The following RALYL variants were observed in gnomAD, a reference collection of about 807,000 sequenced individuals.
The protein encoded by RALYL is RALY RNA binding protein like.
RALYL carries 29 observed loss-of-function variants against 35.1 expected under a neutral mutation model. That is an observed-to-expected ratio of 0.83 (90% CI 0.61 to 1.13). The LOEUF (loss-of-function observed/expected upper bound fraction) is 1.13. Ranked by LOEUF, RALYL falls within the 50% of genes most tolerant of loss-of-function variation. The pLI, the probability that RALYL is intolerant of heterozygous loss-of-function variation, is 0.00. For synonymous variants in RALYL, 120 were observed against 127.6 expected (o/e 0.94, Z 0.40); for missense variants, 359 against 360.4 (o/e 1.00, Z 0.03).
chr8:84,457,476 C>G (rs1005111394), intron 1 of RALYL, among the ~76,000 whole-genome samples: 1 of 151,946 alleles, frequency 6.6e-6, no homozygotes, highest in East Asian at 1.9e-4. Context: ...TAATGATATA[C>G]AAAGTGTTGT....
chr8:84,392,571 A>G (rs1860940671), intron 1 of RALYL, among the ~76,000 whole-genome samples: 1 of 152,070 alleles, frequency 6.6e-6, no homozygotes, highest in Non-Finnish European at 1.5e-5. Context: ...GTATTAAGCT[A>G]TAGTGAGAGA....
chr8:84,446,959 G>T (rs902309889), intron 1 of RALYL, among the ~76,000 whole-genome samples: 3 of 151,960 alleles, frequency 2.0e-5, no homozygotes, highest in Non-Finnish European at 4.4e-5. Context: ...TAATTCACAC[G>T]CTACCGAGCA....
chr8:84,241,648 C>T (rs773427581), intron 1 of RALYL, among the ~76,000 whole-genome samples: 12 of 151,842 alleles, frequency 7.9e-5, no homozygotes, highest in African/African-American at 2.9e-4. Flanking sequence ...CTTGGGGGTG[C>T]GTGCCTGTAG....
chr8:84,466,122 A>G (rs2051584715), intron 1 of RALYL, among the ~76,000 whole-genome samples: 2 of 110,444 alleles, frequency 1.8e-5, no homozygotes, highest in African/African-American at 7.1e-5. Context: ...TTCCTAATAG[A>G]ATACCCTTTA....
At chr8:84,747,869 A>T (rs1809006566) in intron 2 of RALYL, among the ~76,000 whole-genome samples, 1 of 151,958 alleles carries the variant, frequency 6.6e-6, no homozygotes, top group Admixed American at 6.6e-5. Context: ...CAAAAAAATA[A>T]CCTGGGACCT....
intron 1 of RALYL, among the ~76,000 whole-genome samples, chr8:84,415,211 T>G (rs2044541249): frequency 6.6e-6 from 1 of 151,352 alleles, no homozygotes; most frequent in African/African-American, 2.4e-5. Context: ...ACTCGTTTTT[T>G]TTTTTTTGTT....
At chr8:84,238,013 GAA>G (rs1554584056) in intron 1 of RALYL, among the ~76,000 whole-genome samples, 34 of 113,728 alleles carry the variant, frequency 3.0e-4, no homozygotes, top group Admixed American at 2.8e-3. Flanking sequence ...CAAAACAAAA[GAA>G]AAAAAACACT....
At chr8:84,222,927 G>A (rs1186932319) in intron 1 of RALYL, among the ~76,000 whole-genome samples, 1 of 152,154 alleles carries the variant, frequency 6.6e-6, no homozygotes, top group African/African-American at 2.4e-5. Flanking sequence ...TACCAGAGGA[G>A]CTGTTATTGT....
intron 2 of RALYL, among the ~76,000 whole-genome samples, chr8:84,656,933 T>C (rs1300242885): frequency 6.6e-6 from 1 of 152,134 alleles, no homozygotes; most frequent in Non-Finnish European, 1.5e-5. Flanking sequence ...CTAAAACACA[T>C]GGGACAATGG....
chr8:84,860,509 T>C lies in RALYL; in HGVS notation c.414-1787T>C, dbSNP rs921912957. The stretch of plus-strand genomic sequence containing the variant: ...GTGAATTCAACTTATAAATAACTAA[T>C]GTAGATCTTGTTTTGTGATTGAAAT... On this transcript the variant is annotated intron_variant, in intron 5 of 8. Transcript: ENST00000521268. Among the ~76,000 whole-genome samples the C allele has an allele frequency of 2.6e-5, 4 of 152,358 alleles. No homozygotes were observed. In the East Asian group the frequency reaches 5.8e-4, roughly 22 times the overall value.
At chr8:84,714,234 G>A (rs1842626038) in intron 2 of RALYL, among the ~76,000 whole-genome samples, 1 of 151,708 alleles carries the variant, frequency 6.6e-6, no homozygotes, top group South Asian at 2.1e-4. Flanking sequence ...AGTAGAATGG[G>A]GGTTACCAGA....
At chr8:84,475,683 G>A (rs186340735) in intron 1 of RALYL, among the ~76,000 whole-genome samples, 19 of 152,254 alleles carry the variant, frequency 1.2e-4, no homozygotes, top group African/African-American at 4.6e-4. Flanking sequence ...CGAAGAAAGT[G>A]TTTGGTAAAA....
At chr8:84,759,455 C>CTA (rs1174413669) in intron 2 of RALYL, among the ~76,000 whole-genome samples, 1 of 152,112 alleles carries the variant, frequency 6.6e-6, no homozygotes, top group Non-Finnish European at 1.5e-5. Flanking sequence ...ACTGCCTGCA[C>CTA]TAGTTATTCA....
rs1329878051 is a variant in RALYL, at chr8:84,677,869, AC to A, written c.257-96708del. Among the ~76,000 whole-genome samples, 3 of 152,166 alleles carry A rather than the reference AC, an allele frequency of 2.0e-5. No individual in the cohort carries two copies. In the East Asian group the frequency reaches 5.8e-4, roughly 29 times the overall value. ...AGCCTAGGCTACTTTCCCTTTACTCACCTCAGATAGCATTTTTCAAGAAATA... is the reference window on the plus strand; with the variant it reads ...AGCCTAGGCTACTTTCCCTTTACTCACTCAGATAGCATTTTTCAAGAAATA... On this transcript the variant is annotated intron_variant, in intron 2 of 8. Transcript: ENST00000521268.
At chr8:84,844,927 A>G (rs920813218) in intron 4 of RALYL, among the ~76,000 whole-genome samples, 3 of 151,280 alleles carry the variant, frequency 2.0e-5, no homozygotes, top group Non-Finnish European at 2.9e-5. Context: ...ATGAGAACAC[A>G]TGGACACAGG....
chr8:84,704,446 GACACAC>G lies in RALYL; in HGVS notation c.257-70101_257-70096del, dbSNP rs3068023. ...TACCACCAGCCCCCCAATACACACA[GACACAC>G]ACACACACACACACACACACACACA... On this transcript the variant is annotated intron_variant, in intron 2 of 8. Transcript: ENST00000521268. 5.5e-4 allele frequency among the ~76,000 whole-genome samples: 57 copies of G among 104,066 alleles called. No homozygotes were observed. In the East Asian group the frequency reaches 7.2e-3, roughly 13 times the overall value. 68.3% of individuals were successfully genotyped at this position (104,066 alleles called of 152,430 possible). A position where few individuals can be genotyped will look rare whatever the true frequency, so the allele number is the denominator to read the frequency against.
intron 2 of RALYL, among the ~76,000 whole-genome samples, chr8:84,553,693 AT>A (rs994238613): frequency 6.6e-6 from 1 of 151,982 alleles, no homozygotes; most frequent in African/African-American, 2.4e-5. Context: ...CTAAAGTAAC[AT>A]TTTCTTATTG....
chr8:84,466,506 G>C (rs1235360567), intron 1 of RALYL, among the ~76,000 whole-genome samples: 1 of 151,432 alleles, frequency 6.6e-6, no homozygotes, highest in Non-Finnish European at 1.5e-5. Context: ...CTTGATCATG[G>C]TGGATAAGCT....
intron 1 of RALYL, among the ~76,000 whole-genome samples, chr8:84,464,938 T>C (rs1437965413): frequency 8.1e-6 from 1 of 124,196 alleles, no homozygotes; most frequent in Non-Finnish European, 1.8e-5. Flanking sequence ...ATAAATATCT[T>C]CTTTTGAGAA....
Sources: allele counts gnomAD v4.1 joint callset (sites outside exome capture counted in the v4.1 genomes callset), GRCh38; gene constraint gnomAD v4.1.1; transcripts MANE v1.5; gene names NCBI Gene and HGNC (gene_info 2026-07-23, HGNC 2026-07-21).